BAZ2B: variants seen among roughly 807,000 people sequenced by gnomAD.
The protein encoded by BAZ2B is bromodomain adjacent to zinc finger domain protein 2B.
In BAZ2B, 91 loss-of-function variants were observed where a neutral mutation model predicts 246.0. The observed-to-expected ratio is 0.37, with a 90% CI of 0.31 to 0.44. BAZ2B has a LOEUF of 0.44. Ranked by LOEUF, BAZ2B falls within the 20% of genes least tolerant of loss-of-function variation. BAZ2B has a pLI of 1.00. For synonymous variants in BAZ2B, 855 were observed against 860.0 expected (o/e 0.99, Z 0.10); for missense variants, 2,332 against 2,533.7 (o/e 0.92, Z 1.71).
intron 27 of BAZ2B, among the ~76,000 whole-genome samples, 179 bp from the exon 28 acceptor site, chr2:159,350,536 C>CAT (rs59292549): frequency 0.014 from 2,093 of 148,624 alleles, 40 homozygotes; most frequent in African/African-American, 0.034. Flanking sequence ...GGAAAATTAA[C>CAT]ATATATATAT....
intron 32 of BAZ2B, 92 bp downstream of exon 32, chr2:159,337,475 C>A: frequency 6.2e-7 from 1 of 1,609,884 alleles, no homozygotes; most frequent in Non-Finnish European, 8.5e-7. Flanking sequence ...TCACCATCAC[C>A]ACTAACGGAT....
intron 21 of BAZ2B, among the ~76,000 whole-genome samples, chr2:159,387,419 G>A (rs1183826219): frequency 2.0e-5 from 3 of 152,030 alleles, no homozygotes; most frequent in Admixed American, 6.6e-5. Context: ...GCCTAAAAAA[G>A]TACTTTAAAT....
chr2:159,593,976 T>G (rs1689998096), intron 1 of BAZ2B, among the ~76,000 whole-genome samples: 1 of 152,212 alleles, frequency 6.6e-6, no homozygotes, highest in African/African-American at 2.4e-5. Flanking sequence ...AGTGTACAAT[T>G]AGCTGGCATT....
intron 19 of BAZ2B, 159 bp from the exon 20 acceptor site, chr2:159,395,993 C>A (rs2063964280): frequency 1.7e-5 from 10 of 571,942 alleles, no homozygotes; most frequent in South Asian, 5.1e-5. Flanking sequence ...ACAAGAATGG[C>A]CAGTCTGTGC....
rs759042175 is a variant in BAZ2B, at chr2:159,349,129, T to C, written c.5015A>G (p.Asn1672Ser). ...AGATTCACTTTTACTTGAAGCAACATTGGAAGTCAAGAATGAATTACCATT... is the reference window on the plus strand; with the variant it reads ...AGATTCACTTTTACTTGAAGCAACACTGGAAGTCAAGAATGAATTACCATT... Reference protein sequence around the residue: ...EGNGNSFLTSNVASSKSESPV... With the variant: ...EGNGNSFLTSSVASSKSESPV... Residue 1672 changes from asparagine (N) to serine (S), a missense_variant, in exon 29 of 37, where the codon AAT becomes AGT. By Grantham distance (46) the Asn-to-Ser change is conservative. This residue lies in a region of BAZ2B where 676 missense variants were observed against 668.6 expected (regional missense o/e 1.01). Coordinates refer to ENST00000392783, the MANE Select transcript of BAZ2B (RefSeq NM_013450.4). 5 of 1,614,058 alleles carry C rather than the reference T, an allele frequency of 3.1e-6. No homozygotes were observed. The highest frequency in any genetic ancestry group is 2.5e-6 in the Non-Finnish European group (3 of 1,179,988).
chr2:159,322,841 A>G (rs1335496046), intron 36 of BAZ2B, among the ~76,000 whole-genome samples: 1 of 152,066 alleles, frequency 6.6e-6, no homozygotes, highest in Non-Finnish European at 1.5e-5. Flanking sequence ...CAAAGTGGAG[A>G]GTTCGAGGAG....
the BAZ2B span, chr2:159,694,426 T>C: frequency 3.3e-5 from 5 of 152,138 alleles, no homozygotes; most frequent in African/African-American, 1.2e-4. Flanking sequence ...AACACCACTA[T>C]CTAGTTGCAG....
intron 2 of BAZ2B, among the ~76,000 whole-genome samples, chr2:159,499,429 G>A (rs2081480754): frequency 6.6e-6 from 1 of 152,172 alleles, no homozygotes; most frequent in Non-Finnish European, 1.5e-5. Context: ...ATCATTGATG[G>A]GCATTAAAGT....
At chr2:159,461,424 G>T (rs1251855882) in intron 3 of BAZ2B, 4 of 152,518 alleles carry the variant, frequency 2.6e-5, no homozygotes, top group African/African-American at 7.2e-5. Flanking sequence ...GAAATCGTTA[G>T]TATTTCCTTA....
At chr2:159,596,991 G>T (rs2151737281) in intron 1 of BAZ2B, among the ~76,000 whole-genome samples, 1 of 152,292 alleles carries the variant, frequency 6.6e-6, no homozygotes, top group Admixed American at 6.5e-5. Context: ...CATAGTGGTT[G>T]TACTAGTTTA....
At chr2:159,608,602 G>A (rs920939275) in intron 1 of BAZ2B, among the ~76,000 whole-genome samples, 5 of 152,116 alleles carry the variant, frequency 3.3e-5, no homozygotes, top group Non-Finnish European at 7.4e-5. Flanking sequence ...CTAAAGAGCA[G>A]AGAAATAAAT....
intron 3 of BAZ2B, 27 bp downstream of exon 3, chr2:159,478,548 A>G (rs771879969): frequency 6.4e-7 from 1 of 1,570,070 alleles, no homozygotes; most frequent in South Asian, 1.2e-5. Context: ...ATGGCATTCT[A>G]AAATTGAGTT....
chr2:159,641,431 G>A, the BAZ2B span, among the ~76,000 whole-genome samples: 1 of 152,072 alleles, frequency 6.6e-6, no homozygotes, highest in African/African-American at 2.4e-5. Flanking sequence ...TTGTAAATTT[G>A]TTTAATTTCC....
At chr2:159,551,280 T>C (rs1027716146) in intron 2 of BAZ2B, among the ~76,000 whole-genome samples, 15 of 152,130 alleles carry the variant, frequency 9.9e-5, no homozygotes, top group Admixed American at 6.5e-4. Context: ...CCATCCTGGC[T>C]AACATGGTGA....
At chr2:159,443,207 T>C (rs2073737716) in intron 6 of BAZ2B, among the ~76,000 whole-genome samples, 1 of 152,230 alleles carries the variant, frequency 6.6e-6, no homozygotes, top group Non-Finnish European at 1.5e-5. Context: ...ATTTTGGTTG[T>C]TGTGGTAAGA....
chr2:159,491,676 C>G (rs1191266670), intron 2 of BAZ2B, among the ~76,000 whole-genome samples: 6 of 133,222 alleles, frequency 4.5e-5, no homozygotes, highest in African/African-American at 1.4e-4. Context: ...AGCCGAGATC[C>G]CGCCACTGCA....
chr2:159,627,284 C>T, the BAZ2B span, among the ~76,000 whole-genome samples: 1 of 149,436 alleles, frequency 6.7e-6, no homozygotes, highest in African/African-American at 2.5e-5. Flanking sequence ...CTATTCCAAA[C>T]AATAGAAAAA....
At chr2:159,609,517 G>A (rs1219296823) in intron 1 of BAZ2B, among the ~76,000 whole-genome samples, 2 of 152,034 alleles carry the variant, frequency 1.3e-5, no homozygotes, top group African/African-American at 4.8e-5. Context: ...AATATTATTA[G>A]CAATATTTCC....
chr2:159,372,288 A>G (rs1004742107), intron 27 of BAZ2B, among the ~76,000 whole-genome samples: 2 of 152,164 alleles, frequency 1.3e-5, no homozygotes, highest in African/African-American at 4.8e-5. Context: ...GTGCTTACAG[A>G]TTTTCAGAAT....
Sources: gnomAD v4.1 joint callset for allele counts (sites outside exome capture counted in the v4.1 genomes callset) on GRCh38, gnomAD v4.1.1 for gene constraint, gnomAD v4.1.1 regional missense constraint, MANE v1.5 for transcripts, NCBI Gene and HGNC (gene_info 2026-07-23, HGNC 2026-07-21) for gene names.